Variants in SHANK2 observed in about 807,000 individuals in gnomAD.
SHANK2 encodes SH3 and multiple ankyrin repeat domains 2.
A neutral mutation model predicts 133.7 loss-of-function variants in SHANK2; 43 were observed. That is an observed-to-expected ratio of 0.32 (90% CI 0.25 to 0.41). The LOEUF (loss-of-function observed/expected upper bound fraction) is 0.41. Ranked by LOEUF, SHANK2 falls within the 10% of genes least tolerant of loss-of-function variation. SHANK2 has a pLI of 1.00. For synonymous variants in SHANK2, 1,017 were observed against 952.8 expected (o/e 1.07, Z -1.24); for missense variants, 1,994 against 2,235.8 (o/e 0.89, Z 2.18).
chr11:70,889,262 C>T (rs1016697674), intron 11 of SHANK2, among the ~76,000 whole-genome samples: 3 of 152,098 alleles, frequency 2.0e-5, no homozygotes, highest in Admixed American at 6.6e-5. Flanking sequence ...AAGACAGAGG[C>T]GGAGGCTGGG....
At chr11:70,520,784 ACT>A (rs2059320821) in intron 17 of SHANK2, among the ~76,000 whole-genome samples, 2 of 152,222 alleles carry the variant, frequency 1.3e-5, no homozygotes, top group South Asian at 4.1e-4. Context: ...ACCCATGAAT[ACT>A]CATGTTGTAC....
intron 5 of SHANK2, among the ~76,000 whole-genome samples, chr11:71,112,003 TG>T (rs1414596676): frequency 6.6e-6 from 1 of 152,094 alleles, no homozygotes; most frequent in African/African-American, 2.4e-5. Context: ...ATGCACCACA[TG>T]GCAGAACACC....
chr11:71,225,706 G>A (rs1262589030), intron 1 of SHANK2, among the ~76,000 whole-genome samples: 1 of 152,224 alleles, frequency 6.6e-6, no homozygotes, highest in East Asian at 1.9e-4. Context: ...CTGACAAAGA[G>A]TTGAAAGCAA....
chr11:71,155,442 C>A (rs1555108940), intron 2 of SHANK2, among the ~76,000 whole-genome samples: 2 of 151,290 alleles, frequency 1.3e-5, no homozygotes. Flanking sequence ...GCCCACGCTC[C>A]CAGAGGAGGG....
At chr11:70,924,293 C>A (rs186374122) in intron 10 of SHANK2, among the ~76,000 whole-genome samples, 2 of 151,616 alleles carry the variant, frequency 1.3e-5, no homozygotes, top group Admixed American at 1.3e-4. Context: ...GAGCTCAGTC[C>A]GTGCCTCCTG....
intron 17 of SHANK2, among the ~76,000 whole-genome samples, chr11:70,541,808 C>A (rs1554975208): frequency 6.6e-6 from 1 of 152,256 alleles, no homozygotes; most frequent in Non-Finnish European, 1.5e-5. Flanking sequence ...TCCCCCACAA[C>A]AGAGAATTGC....
chr11:70,648,329 T>TG (rs2134196778), intron 17 of SHANK2, among the ~76,000 whole-genome samples: 1 of 151,356 alleles, frequency 6.6e-6, no homozygotes, highest in African/African-American at 2.4e-5. Flanking sequence ...CATACCCAAG[T>TG]GAAAAAAAAA....
At chr11:71,096,716 G>A (rs946790399) in intron 6 of SHANK2, among the ~76,000 whole-genome samples, 1 of 152,190 alleles carries the variant, frequency 6.6e-6, no homozygotes, top group East Asian at 1.9e-4. Flanking sequence ...CTTCAAAACA[G>A]TTAGGATTTT....
intron 11 of SHANK2, among the ~76,000 whole-genome samples, chr11:70,894,543 G>A (rs1590806410): frequency 1.3e-5 from 2 of 152,196 alleles, no homozygotes; most frequent in African/African-American, 4.8e-5. Flanking sequence ...TCAGAAGGGA[G>A]GAAGGGTGGC....
chr11:70,544,257 G>A (rs1348335020), intron 17 of SHANK2, among the ~76,000 whole-genome samples: 1 of 152,180 alleles, frequency 6.6e-6, no homozygotes, highest in Non-Finnish European at 1.5e-5. Flanking sequence ...TGCCCACTCT[G>A]TGCCTCAGTG....
At position 71,168,114 on chromosome 11, in the gene SHANK2, G is replaced by A. The variant is rs559500771; in HGVS notation, c.-12-20776C>T. Among the ~76,000 whole-genome samples, 40 of 140,726 alleles carry A rather than the reference G, an allele frequency of 2.8e-4. No homozygotes were observed. In the East Asian group the frequency reaches 7.6e-3, roughly 27 times the overall value. The allele number at this position is 140,726 out of a possible 152,430, so 92.3% of individuals were successfully genotyped here. The stretch of plus-strand genomic sequence containing the variant: ...GGGCTCCTCACTTCTCAGACGGGGC[G>A]GTTGCCAGGCAGAGGGTCTCCTCAC... On this transcript the variant is annotated intron_variant, in intron 2 of 25. Coordinates refer to ENST00000601538, the MANE Select transcript of SHANK2 (RefSeq NM_012309.5).
At chr11:71,177,728 A>G (rs1266734354) in intron 2 of SHANK2, among the ~76,000 whole-genome samples, 2 of 152,224 alleles carry the variant, frequency 1.3e-5, no homozygotes, top group South Asian at 4.1e-4. Context: ...TGCACTTTAA[A>G]CCAATAAGCC....
intron 17 of SHANK2, among the ~76,000 whole-genome samples, chr11:70,524,281 G>A (rs534549450): frequency 1.3e-5 from 2 of 152,362 alleles, no homozygotes; most frequent in East Asian, 3.9e-4. Context: ...GAAAGCACCA[G>A]GGGCAGCTGT....
At chr11:71,097,958 A>ATGCCTGTGTGTGCATG (rs782429402) in intron 6 of SHANK2, among the ~76,000 whole-genome samples, 1 of 148,388 alleles carries the variant, frequency 6.7e-6, no homozygotes, top group East Asian at 2.0e-4. Context: ...GTGTCTGTGC[A>ATGCCTGTGTGTGCATG]TGCCTGTGTG....
At chr11:70,592,713 C>T (rs1226146318) in intron 17 of SHANK2, among the ~76,000 whole-genome samples, 2 of 152,144 alleles carry the variant, frequency 1.3e-5, no homozygotes, top group African/African-American at 4.8e-5. Context: ...CCTCCCATTT[C>T]GGCCCATCAT....
At chr11:70,772,841 TC>T (rs1947281808) in intron 14 of SHANK2, among the ~76,000 whole-genome samples, 1 of 152,232 alleles carries the variant, frequency 6.6e-6, no homozygotes, top group Admixed American at 6.5e-5. Context: ...TCATTCTTTG[TC>T]AAAAAGTACA....
chr11:70,751,684 T>G (rs1555037442), intron 14 of SHANK2, among the ~76,000 whole-genome samples: 1 of 152,212 alleles, frequency 6.6e-6, no homozygotes, highest in Non-Finnish European at 1.5e-5. Context: ...ATGATAGTAG[T>G]TTCAATATAT....
intron 17 of SHANK2, among the ~76,000 whole-genome samples, chr11:70,522,435 G>A (rs1045569771): frequency 5.9e-5 from 9 of 152,198 alleles, no homozygotes; most frequent in East Asian, 1.9e-4. Context: ...AGGCACGGGC[G>A]CCCTCCCAGG....
intron 17 of SHANK2, among the ~76,000 whole-genome samples, chr11:70,540,254 T>C (rs1554974923): frequency 1.3e-5 from 2 of 152,148 alleles, no homozygotes; most frequent in Non-Finnish European, 2.9e-5. Flanking sequence ...CCCAGGCCAG[T>C]GTCCCCAAGA....
Sources: gnomAD v4.1 joint callset for allele counts (sites outside exome capture counted in the v4.1 genomes callset) on GRCh38, gnomAD v4.1.1 for gene constraint, MANE v1.5 for transcripts, NCBI Gene and HGNC (gene_info 2026-07-23, HGNC 2026-07-21) for gene names.